Variants in PHF24 observed in about 807,000 individuals in gnomAD.
PHF24 encodes PHD finger protein 24.
Under a neutral mutation model 42.6 loss-of-function variants are expected in PHF24, and 25 were observed. The ratio of observed to expected loss-of-function variants is 0.59; its 90% CI spans 0.43 to 0.82. The LOEUF is 0.82. Ranked by LOEUF, PHF24 falls within the 40% of genes least tolerant of loss-of-function variation. The pLI is 0.00. For missense variants in PHF24, 470 were observed against 538.1 expected, an observed-to-expected ratio of 0.87 and a Z score of 1.25; for synonymous variants, 185 against 204.8, an observed-to-expected ratio of 0.90 and a Z score of 0.83.
chr9:34,895,417 A>G, the PHF24 span, among the ~76,000 whole-genome samples: 9 of 152,312 alleles, frequency 5.9e-5, no homozygotes, highest in South Asian at 1.9e-3. Context: ...AAATGGCCCT[A>G]AATAGCTGCC....
chr9:34,767,165 T>C, the PHF24 span, among the ~76,000 whole-genome samples: 1 of 152,242 alleles, frequency 6.6e-6, no homozygotes, highest in African/African-American at 2.4e-5. Context: ...AGGGACCCAC[T>C]TGAGGAGGCA....
At chr9:34,885,285 GCTT>G in the PHF24 span, among the ~76,000 whole-genome samples, 1 of 152,166 alleles carries the variant, frequency 6.6e-6, no homozygotes, top group Non-Finnish European at 1.5e-5. Context: ...ACACATCCAT[GCTT>G]CTTCCTATCT....
chr9:34,953,695 G>A (rs1355732924), upstream of PHF24, among the ~76,000 whole-genome samples: 4 of 152,180 alleles, frequency 2.6e-5, no homozygotes, highest in East Asian at 1.9e-4. This position sits in a 1 kb window ranked among gnomAD's most constrained non-coding sequence, Gnocchi z 4.1. Context: ...CTGTAATCTC[G>A]GTGCTTTGAG....
chr9:34,898,053 G>A, the PHF24 span, among the ~76,000 whole-genome samples: 2 of 152,090 alleles, frequency 1.3e-5, no homozygotes, highest in Non-Finnish European at 2.9e-5. Flanking sequence ...ATATACCACA[G>A]TTTCTTTACC....
At chr9:34,717,419 CT>C in the PHF24 span, among the ~76,000 whole-genome samples, 2 of 152,176 alleles carry the variant, frequency 1.3e-5, no homozygotes, top group African/African-American at 4.8e-5. Flanking sequence ...TTGTTCTTCC[CT>C]TGTGTCTGCT....
the PHF24 span, among the ~76,000 whole-genome samples, chr9:34,674,457 A>C: frequency 6.6e-6 from 1 of 152,268 alleles, no homozygotes; most frequent in Non-Finnish European, 1.5e-5. Flanking sequence ...GTAAATATTT[A>C]AGATTCTGTG....
In PHF24 at chr9:34,971,287, G is replaced by C; in HGVS notation, c.-4-8G>C. 2 of 1,578,452 alleles carry C rather than the reference G, an allele frequency of 1.3e-6. No homozygotes were observed. The highest frequency in any genetic ancestry group is 1.7e-6 in the Non-Finnish European group (2 of 1,157,826). On this transcript the variant is annotated splice_polypyrimidine_tract_variant and splice_region_variant and intron_variant, in intron 1 of 7. Transcript: ENST00000242315. ...CTGAACCTGTGCCCCTCTGCTTTTT[G>C]TCCACAGAGCCATGGGGGTGTTGAT... is the stretch of plus-strand genomic sequence containing the variant.
chr9:34,754,389 A>G, the PHF24 span, among the ~76,000 whole-genome samples: 1 of 152,174 alleles, frequency 6.6e-6, no homozygotes, highest in Non-Finnish European at 1.5e-5. Context: ...TTGTCAAAAG[A>G]AGACATACCA....
the PHF24 span, among the ~76,000 whole-genome samples, chr9:34,682,150 A>AG: frequency 1.1e-5 from 1 of 93,098 alleles, no homozygotes; most frequent in Non-Finnish European, 2.1e-5. Flanking sequence ...AATTATTTCT[A>AG]TTTTTTTTTT....
the PHF24 span, among the ~76,000 whole-genome samples, chr9:34,780,844 C>T: frequency 2.0e-5 from 3 of 152,114 alleles, no homozygotes; most frequent in Non-Finnish European, 4.4e-5. Context: ...GGCCAGCAAG[C>T]ACATGAAAAG....
At chr9:34,669,635 G>GTT in the PHF24 span, among the ~76,000 whole-genome samples, 1 of 151,888 alleles carries the variant, frequency 6.6e-6, no homozygotes, top group African/African-American at 2.4e-5. Context: ...ATGAGTGTGT[G>GTT]TGGATCTGTA....
At chr9:34,723,801 C>T in the PHF24 span, 4 of 1,551,726 alleles carry the variant, frequency 2.6e-6, no homozygotes, top group Non-Finnish European at 3.5e-6. Flanking sequence ...TCAAGGATGA[C>T]AGTTAGCTTG....
chr9:34,980,502 T>A (rs1194411171), exon 8 of PHF24: 1 of 152,304 alleles, frequency 6.6e-6, no homozygotes, highest in African/African-American at 2.4e-5. Flanking sequence ...AGCCAGCCTC[T>A]TCTCCACAGG....
At chr9:34,938,898 C>G in the PHF24 span, among the ~76,000 whole-genome samples, 1 of 146,134 alleles carries the variant, frequency 6.8e-6, no homozygotes, top group Non-Finnish European at 1.5e-5. Context: ...GATTGTGCCA[C>G]CGCACTCCAG....
chr9:34,950,351 C>CAA, the PHF24 span, among the ~76,000 whole-genome samples: 194 of 68,022 alleles, frequency 2.9e-3, 2 homozygotes, highest in African/African-American at 3.4e-3. Context: ...GACTCTGTCT[C>CAA]AAAAAAAAAA....
chr9:34,823,812 C>T, the PHF24 span, among the ~76,000 whole-genome samples: 91,626 of 151,834 alleles, frequency 0.6, 27,968 homozygotes, highest in Middle Eastern at 0.65. Context: ...CGAGAAGAGA[C>T]TGAGCCACAC....
chr9:34,702,310 C>T, the PHF24 span, among the ~76,000 whole-genome samples: 3 of 152,282 alleles, frequency 2.0e-5, no homozygotes, highest in East Asian at 5.8e-4. Context: ...TCCTGGTGGC[C>T]GAGCGGGGCA....
the PHF24 span, among the ~76,000 whole-genome samples, chr9:34,682,110 G>T: frequency 1.0e-3 from 156 of 151,518 alleles, no homozygotes; most frequent in Middle Eastern, 3.5e-3. Context: ...AAGTAACTGG[G>T]ACTACAGGCA....
the PHF24 span, chr9:34,917,264 T>C: frequency 2.7e-6 from 3 of 1,098,592 alleles, no homozygotes; most frequent in Non-Finnish European, 4.2e-6. Flanking sequence ...GGGTCATGTA[T>C]ATCTGGATCG....
Sources: allele counts gnomAD v4.1 joint callset (sites outside exome capture counted in the v4.1 genomes callset), GRCh38; gene constraint gnomAD v4.1.1; non-coding constraint Gnocchi (gnomAD v3.1); transcripts MANE v1.5; gene names NCBI Gene and HGNC (gene_info 2026-07-23, HGNC 2026-07-21).